Variants in MEGF10 observed in about 807,000 individuals in gnomAD.
MEGF10 encodes the protein multiple epidermal growth factor-like domains protein 10.
MEGF10 carries 86 observed loss-of-function variants against 147.5 expected under a neutral mutation model. The observed-to-expected ratio is 0.58, with a 90% confidence interval of 0.49 to 0.70. The LOEUF (loss-of-function observed/expected upper bound fraction) is 0.70. MEGF10 is among the 30% of genes least tolerant of loss of function. MEGF10 has a pLI of 0.00. For synonymous variants in MEGF10, 478 were observed against 525.5 expected, an observed-to-expected ratio of 0.91 and a Z score of 1.24; for missense variants, 1,329 against 1,487.3, an observed-to-expected ratio of 0.89 and a Z score of 1.75.
At chr5:127,391,712 C>A (rs776684466) in intron 5 of MEGF10, among the ~76,000 whole-genome samples, 6 of 152,134 alleles carry the variant, frequency 3.9e-5, no homozygotes, top group Non-Finnish European at 7.4e-5. Flanking sequence ...AATCAGAATG[C>A]ATCTAATCAT....
At chr5:127,382,810 G>A (rs530347477) in intron 5 of MEGF10, among the ~76,000 whole-genome samples, 8 of 152,274 alleles carry the variant, frequency 5.3e-5, no homozygotes, top group African/African-American at 1.9e-4. Context: ...TAATTCAGAG[G>A]CGAGAAACCT....
chr5:127,416,379 G>T (rs995681132), intron 9 of MEGF10, among the ~76,000 whole-genome samples: 1 of 152,126 alleles, frequency 6.6e-6, no homozygotes, highest in Admixed American at 6.5e-5. Flanking sequence ...GAGATGCCAT[G>T]TGACTGCTCA....
rs1453250767 is a variant in MEGF10 at position 127,455,542 on chromosome 5, G to A, written c.3167G>A (p.Arg1056Gln). 24 of 1,613,968 alleles carry A rather than the reference G, an allele frequency of 1.5e-5. No individual in the cohort carries two copies. Among genetic ancestry groups the A allele is most frequent in the Non-Finnish European group, 1.9e-5 (22 of 1,180,022 alleles). ...TATGTGGAGATGAAATCGCCGGCAC[G>A]AAGAGATTCCCCATATGCAGAGATC... is the stretch of plus-strand genomic sequence containing the variant. ...CGYVEMKSPARRDSPYAEINN... is the reference protein window; with the variant it reads ...CGYVEMKSPAQRDSPYAEINN... Residue 1056 changes from arginine to glutamine, a missense_variant, in exon 24 of 25, where the codon CGA becomes CAA. Arg to Gln is a conservative substitution (Grantham distance 43). Around this residue, in one of 3 missense-constraint regions of MEGF10, gnomAD observed 343 missense variants for 377.9 expected, o/e 0.91. Coordinates refer to ENST00000503335, the MANE Select transcript of MEGF10 (RefSeq NM_001256545.2).
rs750377600 is a variant in MEGF10 at position 127,331,332 on chromosome 5, C to T, written c.24C>T (p.Cys8=). The change falls in exon 2 of 25, where the codon TGC becomes TGT. Residue 8 remains cysteine (C), a synonymous_variant. Coordinates refer to ENST00000503335, the MANE Select transcript of MEGF10 (RefSeq NM_001256545.2). The part of the protein sequence containing the change: MVISLNS[C]LSFICLLLCH... ...AAATGGTTATTTCTTTGAACTCATG[C>T]CTGAGCTTTATTTGTTTATTGTTAT... 1.2e-6 allele frequency: 2 copies of T among 1,611,958 alleles called. No individual in the cohort carries two copies. Among genetic ancestry groups the T allele is most frequent in the Middle Eastern group, 1.7e-4 (1 of 6,048 alleles).
Position 127,410,532 on chromosome 5 carries a change from TG to T in MEGF10, c.1062del (p.Cys355ValfsTer70). ...GCTGGCGAGCGCTGCGAAGCACGCC[TG>T]TGTCCTGAGGGGCTCTACGGCATCA... is the stretch of plus-strand genomic sequence containing the variant. ...GFAGERCEAR[L>X]CPEGLYGIKC... On this transcript the variant is annotated frameshift_variant, in exon 9 of 25. Coordinates refer to ENST00000503335, the MANE Select transcript of MEGF10 (RefSeq NM_001256545.2). LOFTEE classifies it high-confidence loss of function. 1 of 1,613,690 alleles carries T rather than the reference TG, an allele frequency of 6.2e-7. No homozygotes were observed. The highest frequency in any genetic ancestry group is 8.5e-7 in the Non-Finnish European group (1 of 1,180,038).
intron 1 of MEGF10, among the ~76,000 whole-genome samples, chr5:127,316,986 C>T (rs913894547): frequency 5.3e-5 from 8 of 152,004 alleles, no homozygotes; most frequent in East Asian, 1.9e-4. Flanking sequence ...ACAGCATGGG[C>T]GAAGACAGAG....
chr5:127,297,904 G>A (rs186339204), intron 1 of MEGF10, among the ~76,000 whole-genome samples: 1 of 152,136 alleles, frequency 6.6e-6, no homozygotes, highest in East Asian at 1.9e-4. Context: ...AACCACTATG[G>A]GATTCTTGGG....
Position 127,461,006 on chromosome 5 carries a change from C to G in MEGF10, c.*3688C>G, listed in dbSNP as rs1160949405. ...CTAGTTCAGTATTTGGTCTAGGCTTCATTTTGATATGACTGAATTGCAATC... is the reference window on the plus strand; with the variant it reads ...CTAGTTCAGTATTTGGTCTAGGCTTGATTTTGATATGACTGAATTGCAATC... On this transcript the variant is annotated 3_prime_UTR_variant, in exon 25 of 25. Coordinates refer to ENST00000503335, the MANE Select transcript of MEGF10 (RefSeq NM_001256545.2). 29 of 152,134 alleles carry G rather than the reference C, an allele frequency of 1.9e-4. 1 individual carries two copies. Among genetic ancestry groups the G allele is most frequent in the Admixed American group, 1.9e-3 (29 of 15,270 alleles). 9.4% of individuals were successfully genotyped at this position (152,134 alleles called of 1,614,324 possible).
chr5:127,450,772 T>G (rs1325790215), intron 22 of MEGF10, among the ~76,000 whole-genome samples: 5 of 152,162 alleles, frequency 3.3e-5, no homozygotes, highest in Non-Finnish European at 7.3e-5. Context: ...TTTGTTTTTG[T>G]TTTTGAGACA....
At chr5:127,435,582 A>G in intron 16 of MEGF10, 93 bp downstream of exon 16, 7 of 1,241,448 alleles carry the variant, frequency 5.6e-6, no homozygotes, top group Non-Finnish European at 7.6e-6. Context: ...TATATAATCA[A>G]GAAAGAATAT....
At chr5:127,413,146 A>G (rs186311384) in intron 9 of MEGF10, among the ~76,000 whole-genome samples, 2 of 152,314 alleles carry the variant, frequency 1.3e-5, no homozygotes, top group Admixed American at 6.5e-5. Context: ...GCAATCTATC[A>G]TGGAGCTGAA....
intron 18 of MEGF10, among the ~76,000 whole-genome samples, chr5:127,441,683 G>C (rs770877674): frequency 9.9e-5 from 15 of 152,154 alleles, no homozygotes; most frequent in Non-Finnish European, 2.2e-4. Context: ...AAAAGGTGAA[G>C]AACAATTCCT....
chr5:127,281,976 T>A, the MEGF10 span, among the ~76,000 whole-genome samples: 1 of 152,242 alleles, frequency 6.6e-6, no homozygotes, highest in Non-Finnish European at 1.5e-5. Context: ...CAGGCATTTT[T>A]GCCTCACCAA....
the MEGF10 span, among the ~76,000 whole-genome samples, chr5:127,238,378 T>TA: frequency 1.3e-5 from 2 of 151,860 alleles, no homozygotes; most frequent in African/African-American, 4.8e-5. Context: ...TTTTATATAT[T>TA]AAAAAAAACC....
At chr5:127,293,088 T>G (rs1759333502) in intron 1 of MEGF10, among the ~76,000 whole-genome samples, 1 of 152,210 alleles carries the variant, frequency 6.6e-6, no homozygotes, top group Non-Finnish European at 1.5e-5. Flanking sequence ...GGCATCAGTT[T>G]TATTATGTAT....
At chr5:127,362,927 CTGTT>C (rs1156363634) in intron 4 of MEGF10, among the ~76,000 whole-genome samples, 1 of 151,972 alleles carries the variant, frequency 6.6e-6, no homozygotes, top group African/African-American at 2.4e-5. Context: ...CTAGCTATAA[CTGTT>C]AGTTGTATTG....
At chr5:127,322,865 A>T (rs1202763860) in intron 1 of MEGF10, among the ~76,000 whole-genome samples, 4 of 152,174 alleles carry the variant, frequency 2.6e-5, no homozygotes, top group Non-Finnish European at 4.4e-5. Context: ...AAGTATTTAG[A>T]AGTAAAGGAG....
At chr5:127,318,072 A>G (rs1760634878) in intron 1 of MEGF10, among the ~76,000 whole-genome samples, 1 of 152,156 alleles carries the variant, frequency 6.6e-6, no homozygotes, top group Non-Finnish European at 1.5e-5. Context: ...GCTCTCAGTA[A>G]TGGGATCAGT....
chr5:127,246,985 A>AATATATATATATATATATATATATATAT, the MEGF10 span, among the ~76,000 whole-genome samples: 5 of 104,180 alleles, frequency 4.8e-5, no homozygotes, highest in South Asian at 3.1e-4. Context: ...GTATAAAAAG[A>AATATATATATATATATATATATATATAT]ATATATATAT....
Sources: allele counts gnomAD v4.1 joint callset (sites outside exome capture counted in the v4.1 genomes callset), GRCh38; gene constraint gnomAD v4.1.1; regional missense constraint gnomAD v4.1.1; transcripts MANE v1.5; gene names NCBI Gene and HGNC (gene_info 2026-07-23, HGNC 2026-07-21).